The following TMEM117 variants were observed in gnomAD, a reference collection of about 807,000 sequenced individuals.
The protein encoded by TMEM117 is transmembrane protein 117.
Under a neutral mutation model 52.4 loss-of-function variants are expected in TMEM117, and 27 were observed. That is an observed-to-expected ratio of 0.51 (90% CI 0.38 to 0.71). TMEM117 has a LOEUF of 0.71. Among genes scored for constraint, TMEM117 ranks in the 30% least tolerant of loss-of-function variants. The probability of loss-of-function intolerance (pLI) is 0.00; values close to 1 mark genes in which losing one functional copy is unlikely to be tolerated. For missense variants in TMEM117, 556 were observed against 630.5 expected (o/e 0.88, Z 1.26); for synonymous variants, 215 against 206.3 (o/e 1.04, Z -0.36).
At chr12:44,100,210 C>T (rs1406837124) in intron 3 of TMEM117, among the ~76,000 whole-genome samples, 2 of 151,900 alleles carry the variant, frequency 1.3e-5, no homozygotes, top group African/African-American at 4.8e-5. Context: ...ATTTTATGCC[C>T]CATAAACGTG....
chr12:43,880,607 G>C (rs1294773065), intron 2 of TMEM117, among the ~76,000 whole-genome samples: 1 of 152,140 alleles, frequency 6.6e-6, no homozygotes, highest in African/African-American at 2.4e-5. Flanking sequence ...CTTGGAACTG[G>C]GTGCAGGGGT....
rs181605148 is a variant in TMEM117 at position 44,033,405 on chromosome 12, C to G, written c.410+89063C>G. ...TGGACTCACTCTGAATTCTTTCTTGCATGAGATCCAAGAACCCTCTGTGGG... is the reference window on the plus strand; with the variant it reads ...TGGACTCACTCTGAATTCTTTCTTGGATGAGATCCAAGAACCCTCTGTGGG... On this transcript the variant is annotated intron_variant, in intron 3 of 7. Coordinates refer to ENST00000266534, the MANE Select transcript of TMEM117 (RefSeq NM_032256.3). Among the ~76,000 whole-genome samples, 4 of 152,282 alleles carry G rather than the reference C, an allele frequency of 2.6e-5. No individual in the cohort carries two copies. In the East Asian group the frequency reaches 7.7e-4, roughly 29 times the overall value.
rs142060963 is a variant in TMEM117, at chr12:43,977,016, G to A, written c.410+32674G>A. 1.4e-3 allele frequency among the ~76,000 whole-genome samples: 212 copies of A among 152,304 alleles called. 3 individuals are homozygous for A. In the East Asian group the frequency reaches 0.024, roughly 17 times the overall value. ...GGGTATGTTAACCCCTTTCAGCTAAGCAGTTATGTTATTAGAGACTGCCCA... is the reference window on the plus strand; with the variant it reads ...GGGTATGTTAACCCCTTTCAGCTAAACAGTTATGTTATTAGAGACTGCCCA... On this transcript the variant is annotated intron_variant, in intron 3 of 7. Transcript: ENST00000266534.
At chr12:44,150,670 T>C (rs1452008495) in intron 4 of TMEM117, among the ~76,000 whole-genome samples, 2 of 152,202 alleles carry the variant, frequency 1.3e-5, no homozygotes, top group African/African-American at 4.8e-5. Flanking sequence ...AATATTTTAA[T>C]GTCTCTATAA....
chr12:44,348,573 A>G (rs994415018), intron 6 of TMEM117, among the ~76,000 whole-genome samples: 3 of 152,026 alleles, frequency 2.0e-5, no homozygotes, highest in East Asian at 3.9e-4. Flanking sequence ...TGTACATTTT[A>G]ACAATTTTTA....
chr12:44,117,043 ACT>A lies in TMEM117; in HGVS notation c.411-26476_411-26475del, dbSNP rs754633625. Among the ~76,000 whole-genome samples, 198 of 152,200 alleles carry A rather than the reference ACT, an allele frequency of 1.3e-3. 1 individual carries two copies. The highest frequency in any genetic ancestry group is 2.5e-3 in the Admixed American group (38 of 15,282). On this transcript the variant is annotated intron_variant, in intron 3 of 7. Transcript: ENST00000266534. ...AAACTCCCTTTAGATTCTGGAGTAA[ACT>A]CTCTCCCTTGTACTTGGCTCTTGAG...
At chr12:44,288,988 G>A (rs1485805027) in intron 5 of TMEM117, among the ~76,000 whole-genome samples, 8 of 152,038 alleles carry the variant, frequency 5.3e-5, no homozygotes, top group African/African-American at 1.4e-4. Context: ...ATAACTGAAA[G>A]TTTGTACACT....
At chr12:44,207,022 C>T (rs1013463954) in intron 4 of TMEM117, among the ~76,000 whole-genome samples, 1 of 152,154 alleles carries the variant, frequency 6.6e-6, no homozygotes, top group Non-Finnish European at 1.5e-5. Flanking sequence ...AAGAAACTAT[C>T]TAAACAGCTT....
At chr12:43,916,794 G>A (rs1430068509) in intron 2 of TMEM117, among the ~76,000 whole-genome samples, 6 of 152,110 alleles carry the variant, frequency 3.9e-5, no homozygotes, top group African/African-American at 7.2e-5. Context: ...AATTGAAAGG[G>A]CTAAACATAA....
At chr12:44,377,131 C>G (rs1951953311) in intron 7 of TMEM117, among the ~76,000 whole-genome samples, 1 of 152,180 alleles carries the variant, frequency 6.6e-6, no homozygotes, top group Non-Finnish European at 1.5e-5. Flanking sequence ...GCAGCCACTT[C>G]TGGTGTCAGA....
chr12:44,132,755 A>G (rs1948434844), intron 3 of TMEM117, among the ~76,000 whole-genome samples: 1 of 152,146 alleles, frequency 6.6e-6, no homozygotes. Context: ...GGAAGAGGGA[A>G]ACATAATTTC....
At chr12:43,923,301 A>G (rs1342932762) in intron 2 of TMEM117, among the ~76,000 whole-genome samples, 1 of 152,176 alleles carries the variant, frequency 6.6e-6, no homozygotes, top group Non-Finnish European at 1.5e-5. Flanking sequence ...ATCCCAACAT[A>G]TTTGTTAAAA....
At chr12:44,114,170 G>C (rs954448314) in intron 3 of TMEM117, among the ~76,000 whole-genome samples, 2 of 151,886 alleles carry the variant, frequency 1.3e-5, no homozygotes, top group African/African-American at 4.8e-5. Flanking sequence ...CCCGTCTTCT[G>C]CGTCGCTCAC....
At chr12:44,326,493 T>C (rs1592695475) in intron 6 of TMEM117, among the ~76,000 whole-genome samples, 1 of 152,298 alleles carries the variant, frequency 6.6e-6, no homozygotes, top group South Asian at 2.1e-4. Flanking sequence ...GGTGTTTAGC[T>C]TGAAGCATAG....
chr12:43,843,746 C>T (rs530236424), intron 1 of TMEM117, among the ~76,000 whole-genome samples: 3 of 152,276 alleles, frequency 2.0e-5, no homozygotes, highest in African/African-American at 7.2e-5. Context: ...TCTCATTCAC[C>T]CAATGCAAAG....
At chr12:44,244,682 A>G (rs1950107011) in intron 5 of TMEM117, among the ~76,000 whole-genome samples, 1 of 151,920 alleles carries the variant, frequency 6.6e-6, no homozygotes, top group Admixed American at 6.6e-5. Context: ...TTCCTTGGCT[A>G]TGCAGTAGGC....
chr12:44,327,052 T>C (rs1348080026), intron 6 of TMEM117, among the ~76,000 whole-genome samples: 1 of 152,214 alleles, frequency 6.6e-6, no homozygotes, highest in African/African-American at 2.4e-5. Context: ...CTTATATTTG[T>C]ATATATTTAC....
the TMEM117 span, chr12:43,797,924 T>C: frequency 7.4e-7 from 1 of 1,359,498 alleles, no homozygotes; most frequent in African/African-American, 1.5e-5. Context: ...AATAGTATCA[T>C]TCAACCCTAG....
chr12:44,351,729 C>T (rs1026613853), intron 6 of TMEM117, among the ~76,000 whole-genome samples: 1 of 151,906 alleles, frequency 6.6e-6, no homozygotes, highest in Non-Finnish European at 1.5e-5. Context: ...AATTTCATTA[C>T]ATTTTGCTTG....
Sources: allele counts gnomAD v4.1 joint callset (sites outside exome capture counted in the v4.1 genomes callset), GRCh38; gene constraint gnomAD v4.1.1; transcripts MANE v1.5; gene names NCBI Gene and HGNC (gene_info 2026-07-23, HGNC 2026-07-21).